Variants in SDK1 observed in about 807,000 individuals in gnomAD.
SDK1 encodes the protein sidekick cell adhesion molecule 1.
In SDK1, 157 loss-of-function variants were observed where a neutral mutation model predicts 245.5. The observed-to-expected ratio is 0.64, with a 90% CI of 0.56 to 0.73. The LOEUF (loss-of-function observed/expected upper bound fraction) is 0.73. Ranked by LOEUF, SDK1 falls within the 30% of genes least tolerant of loss-of-function variation. The pLI is 0.00. For missense variants in SDK1, 3,583 were observed against 3,002.3 expected, an observed-to-expected ratio of 1.19 and a Z score of -4.52; for synonymous variants, 1,647 against 1,278.5, an observed-to-expected ratio of 1.29 and a Z score of -6.15.
At chr7:3,994,126 A>G (rs1227832046) in intron 14 of SDK1, among the ~76,000 whole-genome samples, 1 of 152,078 alleles carries the variant, frequency 6.6e-6, no homozygotes, top group Non-Finnish European at 1.5e-5. Context: ...CTTATCACAC[A>G]TGCTTTTCTA....
At chr7:4,005,983 G>A (rs1480417882) in intron 14 of SDK1, among the ~76,000 whole-genome samples, 2 of 152,170 alleles carry the variant, frequency 1.3e-5, no homozygotes, top group Admixed American at 6.5e-5. Flanking sequence ...CAGGAGGATC[G>A]CTTGAACCCA....
intron 1 of SDK1, among the ~76,000 whole-genome samples, chr7:3,370,583 C>T (rs1034075151): frequency 6.6e-6 from 1 of 152,118 alleles, no homozygotes; most frequent in Admixed American, 6.5e-5. Flanking sequence ...CCCGATATAC[C>T]GCTTCCAAAT....
chr7:3,904,410 G>T (rs1781894370), intron 5 of SDK1, among the ~76,000 whole-genome samples: 1 of 152,094 alleles, frequency 6.6e-6, no homozygotes, highest in African/African-American at 2.4e-5. Flanking sequence ...ATTCTGTAAT[G>T]AAACTAGCCT....
intron 1 of SDK1, among the ~76,000 whole-genome samples, chr7:3,453,687 C>G (rs1291423220): frequency 6.6e-6 from 1 of 152,180 alleles, no homozygotes; most frequent in Non-Finnish European, 1.5e-5. Flanking sequence ...TCAAACCATC[C>G]TCTTGCCACA....
intron 1 of SDK1, among the ~76,000 whole-genome samples, chr7:3,499,410 A>G (rs1045600327): frequency 9.9e-5 from 15 of 152,176 alleles, no homozygotes; most frequent in African/African-American, 3.6e-4. Context: ...AAAGTATTAA[A>G]AATGTGTAGT....
intron 1 of SDK1, among the ~76,000 whole-genome samples, chr7:3,501,669 T>G (rs1480166337): frequency 6.6e-6 from 1 of 152,242 alleles, no homozygotes; most frequent in African/African-American, 2.4e-5. Flanking sequence ...CAGTTGATTA[T>G]AAATTGATTT....
At chr7:3,995,120 T>C (rs929733275) in intron 14 of SDK1, among the ~76,000 whole-genome samples, 4 of 152,198 alleles carry the variant, frequency 2.6e-5, no homozygotes, top group African/African-American at 9.6e-5. Context: ...GACCACCCCC[T>C]GCCTCTCCGA....
chr7:3,308,427 G>T (rs6944745), intron 1 of SDK1, among the ~76,000 whole-genome samples: 23,191 of 151,980 alleles, frequency 0.15, 2,781 homozygotes, highest in African/African-American at 0.33. Flanking sequence ...TAAAACAAAG[G>T]GTCTTTAAAA....
At chr7:4,133,112 C>G (rs761541793) in intron 28 of SDK1, among the ~76,000 whole-genome samples, 6 of 152,212 alleles carry the variant, frequency 3.9e-5, no homozygotes, top group Non-Finnish European at 8.8e-5. Context: ...CTGGAAACAT[C>G]TTTCTGCTGC....
intron 1 of SDK1, among the ~76,000 whole-genome samples, chr7:3,354,867 G>C (rs189950452): frequency 1.3e-5 from 2 of 152,182 alleles, no homozygotes; most frequent in African/African-American, 2.4e-5. Context: ...TAAAGTGTAC[G>C]TACTTGATCA....
At chr7:3,744,760 G>A (rs1322856109) in intron 4 of SDK1, among the ~76,000 whole-genome samples, 10 of 151,530 alleles carry the variant, frequency 6.6e-5, no homozygotes, top group East Asian at 3.9e-4. Context: ...TGCAGTGAGC[G>A]GAGATCACAC....
intron 13 of SDK1, among the ~76,000 whole-genome samples, chr7:3,985,213 C>T (rs1783729602): frequency 1.3e-5 from 2 of 152,192 alleles, no homozygotes; most frequent in African/African-American, 2.4e-5. Flanking sequence ...ACCATGGTGG[C>T]GAAAACCGTC....
chr7:4,162,077 A>T (rs78648668), intron 32 of SDK1, among the ~76,000 whole-genome samples: 5 of 152,268 alleles, frequency 3.3e-5, no homozygotes, highest in African/African-American at 1.2e-4. Flanking sequence ...ACTGTGATGC[A>T]CGTAGAGAAT....
At chr7:3,475,954 T>A (rs887041744) in intron 1 of SDK1, 9 of 152,794 alleles carry the variant, frequency 5.9e-5, no homozygotes, top group Middle Eastern at 3.4e-3. Context: ...TTTAGTAGCT[T>A]TAATTTAGTT....
At chr7:3,877,314 G>C (rs1562507697) in intron 5 of SDK1, among the ~76,000 whole-genome samples, 1 of 152,326 alleles carries the variant, frequency 6.6e-6, no homozygotes, top group African/African-American at 2.4e-5. Flanking sequence ...TTGCAGAGTT[G>C]TTAGGAGGAT....
At chr7:4,261,897 C>G (rs941756622) in intron 44 of SDK1, among the ~76,000 whole-genome samples, 1 of 151,606 alleles carries the variant, frequency 6.6e-6, no homozygotes, top group East Asian at 1.9e-4. Context: ...GCTGTTAGGA[C>G]GCACAGGTGA....
intron 1 of SDK1, among the ~76,000 whole-genome samples, chr7:3,542,408 A>G (rs563569460): frequency 6.6e-6 from 1 of 152,300 alleles, no homozygotes; most frequent in South Asian, 2.1e-4. Flanking sequence ...TTACACCTGC[A>G]TAGCTGGTGT....
intron 1 of SDK1, among the ~76,000 whole-genome samples, chr7:3,405,931 G>C (rs552911400): frequency 6.6e-6 from 1 of 150,470 alleles, no homozygotes; most frequent in South Asian, 2.1e-4. Flanking sequence ...TTCTGCATCA[G>C]CCTCCTGAGT....
Position 3,641,981 on chromosome 7 carries a change from G to T in SDK1, c.589G>T (p.Asp197Tyr). The change falls in exon 4 of 45, where the codon GAC becomes TAC. Residue 197 changes from aspartate (D) to tyrosine (Y), a missense_variant. By Grantham distance (160) the Asp-to-Tyr change is radical. Coordinates refer to ENST00000404826, the MANE Select transcript of SDK1 (RefSeq NM_152744.4). The part of the protein sequence containing the change: ...VAYMGSFMDT[D>Y]QRKTVSQGRA... The stretch of plus-strand genomic sequence containing the variant: ...AGATATGGGAAGTTTCATGGATACG[G>T]ACCAGAGGAAAACAGTTTCTCAAGG... 1.9e-6 allele frequency: 3 copies of T among 1,613,936 alleles called. No individual in the cohort carries two copies. Among genetic ancestry groups the T allele is most frequent in the Non-Finnish European group, 1.7e-6 (2 of 1,179,930 alleles).
Sources: allele counts gnomAD v4.1 joint callset (sites outside exome capture counted in the v4.1 genomes callset), GRCh38; gene constraint gnomAD v4.1.1; transcripts MANE v1.5; gene names NCBI Gene and HGNC (gene_info 2026-07-23, HGNC 2026-07-21).